SIGLEC9: variants seen among roughly 807,000 people sequenced by gnomAD.
SIGLEC9 encodes the protein sialic acid-binding Ig-like lectin 9.
SIGLEC9 carries 26 observed loss-of-function variants against 38.3 expected under a neutral mutation model. The ratio of observed to expected loss-of-function variants is 0.68; its 90% CI spans 0.50 to 0.94. SIGLEC9 has a LOEUF of 0.94. Among genes scored for constraint, SIGLEC9 ranks in the 40% least tolerant of loss-of-function variants. The probability of loss-of-function intolerance (pLI) is 0.00; values close to 1 mark genes in which losing one functional copy is unlikely to be tolerated. For missense variants in SIGLEC9, 556 were observed against 585.7 expected (o/e 0.95, Z 0.52); for synonymous variants, 236 against 248.0 (o/e 0.95, Z 0.45).
rs139490654 is a variant in SIGLEC9 at position 51,129,841 on chromosome 19, G to A, written c.1204-50G>A. The stretch of plus-strand genomic sequence containing the variant: ...TGGGATTACAGATGTGAGCCACCGC[G>A]CCCCATCCTCACTGTCTGCTCTGAC... On this transcript the variant is annotated intron_variant, in intron 6 of 6. Coordinates refer to ENST00000250360, the MANE Select transcript of SIGLEC9 (RefSeq NM_014441.3). The A allele has an allele frequency of 2.4e-4, 326 of 1,355,582 alleles. 4 individuals carry two copies. The African/African-American group carries it at 3.5e-3, about 14-fold the overall frequency. The allele number at this position is 1,355,582 out of a possible 1,614,324, so 84.0% of individuals were successfully genotyped here.
Position 51,130,280 on chromosome 19 carries a change from T to G in SIGLEC9, c.*201T>G. The G allele has an allele frequency of 1.0e-5, 11 of 1,048,996 alleles. No individual in the cohort carries two copies. In the South Asian group the frequency reaches 3.1e-4, roughly 29 times the overall value. The allele number at this position is 1,048,996 out of a possible 1,614,324, so 65.0% of individuals were successfully genotyped here. A position where few individuals can be genotyped will look rare whatever the true frequency, so the allele number is the denominator to read the frequency against. On this transcript the variant is annotated 3_prime_UTR_variant, in exon 7 of 7. Coordinates refer to ENST00000250360, the MANE Select transcript of SIGLEC9 (RefSeq NM_014441.3). ...AATCCACACTGTGCCCTCCCTTTTATTTTTTTAACTAAAAGACAGACAAAT... is the reference window on the plus strand; with the variant it reads ...AATCCACACTGTGCCCTCCCTTTTAGTTTTTTAACTAAAAGACAGACAAAT...
chr19:51,128,251 A>G (rs867189), intron 5 of SIGLEC9, among the ~76,000 whole-genome samples, 163 bp from the exon 6 acceptor site: 13,483 of 152,156 alleles, frequency 0.089, 2,034 homozygotes, highest in African/African-American at 0.31. Context: ...GTCCAGGAGA[A>G]GAGAGCCTCT....
chr19:51,127,300 A>T lies in SIGLEC9; in HGVS notation c.1015+4A>T. Reference sequence around the variant, plus strand: ...TACCTGAACGTCTCCCTGCAGAGTGAGTGCACCAGTATGCTGGGGAGGGGC... The same window carrying T: ...TACCTGAACGTCTCCCTGCAGAGTGTGTGCACCAGTATGCTGGGGAGGGGC... On this transcript the variant is annotated splice_donor_region_variant and intron_variant, in intron 4 of 6. Transcript: ENST00000250360. 2 of 1,605,144 alleles carry T rather than the reference A, an allele frequency of 1.2e-6. No individual in the cohort carries two copies. Among genetic ancestry groups the T allele is most frequent in the Non-Finnish European group, 1.7e-6 (2 of 1,174,220 alleles).
chr19:51,126,006 C>T lies in SIGLEC9; in HGVS notation c.701-75C>T, dbSNP rs1395287889. ...ACTGGCTCTGCCTTCCCTGTTTATG[C>T]GGCTCCTGGGGACAGACAGGGCCAG... On this transcript the variant is annotated intron_variant, in intron 2 of 6. Transcript: ENST00000250360. 1.8e-5 allele frequency: 29 copies of T among 1,579,272 alleles called. No homozygotes were observed. In the African/African-American group the frequency reaches 2.4e-4, roughly 13 times the overall value.
upstream of SIGLEC9, chr19:51,122,580 C>CA (rs71306113): frequency 0.53 from 60,799 of 114,968 alleles, 15,799 homozygotes; most frequent in South Asian, 0.64. This position sits in a 1 kb window ranked among gnomAD's most constrained non-coding sequence, Gnocchi z 4.1. Context: ...GACTCCATCT[C>CA]AAAAAAAAAA....
chr19:51,128,057 A>G lies in SIGLEC9; in HGVS notation c.1106+18A>G, dbSNP rs758129426. The G allele has an allele frequency of 6.3e-7, 1 of 1,589,052 alleles. No homozygotes were observed. Among genetic ancestry groups the G allele is most frequent in the South Asian group, 1.1e-5 (1 of 90,436 alleles). ...TTCGTTGTGTAAGCATGGACCCTAG[A>G]GAGGGAGGGAGGGAGAGCCCTGGGG... On this transcript the variant is annotated intron_variant, in intron 5 of 6. Coordinates refer to ENST00000250360, the MANE Select transcript of SIGLEC9 (RefSeq NM_014441.3).
chr19:51,124,633 C>A (rs993936476), upstream of SIGLEC9, among the ~76,000 whole-genome samples: 3 of 152,212 alleles, frequency 2.0e-5, no homozygotes, highest in Non-Finnish European at 4.4e-5. Flanking sequence ...AGATGGGACT[C>A]ATTTTCACCC....
chr19:51,121,266 A>T (rs919895869), upstream of SIGLEC9, among the ~76,000 whole-genome samples: 1 of 151,486 alleles, frequency 6.6e-6, no homozygotes, highest in Non-Finnish European at 1.5e-5. Context: ...GGTGATTCTT[A>T]TGCCTCGGCC....
upstream of SIGLEC9, chr19:51,124,898 T>G: frequency 6.5e-7 from 1 of 1,538,032 alleles, no homozygotes; most frequent in African/African-American, 1.4e-5. Context: ...CCTCTAAGTC[T>G]TGAGCCCGCA....
Position 51,129,449 on chromosome 19 carries a change from G to A in SIGLEC9, c.1204-442G>A, listed in dbSNP as rs541677380. Among the ~76,000 whole-genome samples the A allele has an allele frequency of 2.4e-4, 36 of 152,114 alleles. 1 individual carries two copies. The South Asian group carries it at 3.5e-3, about 15-fold the overall frequency. ...GCTGGGATTACAGGCGTGAGCCACT[G>A]TGACCGGCCACATTCTGACCTTTTA... On this transcript the variant is annotated intron_variant, in intron 6 of 6. Coordinates refer to ENST00000250360, the MANE Select transcript of SIGLEC9 (RefSeq NM_014441.3).
At chr19:51,132,618 G>A (rs2092022350), downstream of SIGLEC9, among the ~76,000 whole-genome samples, 1 of 152,148 alleles carries the variant, frequency 6.6e-6, no homozygotes, top group African/African-American at 2.4e-5. Flanking sequence ...CGGATTCTGG[G>A]GCGGCACTCT....
chr19:51,134,153 T>C (rs998057812), downstream of SIGLEC9, among the ~76,000 whole-genome samples: 6 of 122,422 alleles, frequency 4.9e-5, no homozygotes, highest in South Asian at 2.9e-4. Flanking sequence ...TTTTCTTTTT[T>C]TTTTTTTTTT....
At chr19:51,122,503 C>A (rs538440015), upstream of SIGLEC9, among the ~76,000 whole-genome samples, 1 of 148,876 alleles carries the variant, frequency 6.7e-6, no homozygotes, top group South Asian at 2.1e-4. The surrounding 1 kb of genome is among the most constrained non-coding windows in gnomAD (Gnocchi z 4.1). Flanking sequence ...ATCGCTTGAA[C>A]GTGGGAGGCG....
intron 3 of SIGLEC9, 105 bp downstream of exon 3, chr19:51,126,233 C>A: frequency 8.7e-7 from 1 of 1,144,570 alleles, no homozygotes; most frequent in Non-Finnish European, 1.3e-6. Flanking sequence ...CAGGGATGTC[C>A]TTGTGGGTGA....
In SIGLEC9 at chr19:51,125,118, T is replaced by G. The variant is rs757959654; in HGVS notation, c.144T>G (p.His48Gln). 1 of 1,613,940 alleles carries G rather than the reference T, an allele frequency of 6.2e-7. No homozygotes were observed. The highest frequency in any genetic ancestry group is 8.5e-7 in the Non-Finnish European group (1 of 1,180,002). The part of the protein sequence containing the change: ...HVPCSFSYPS[H>Q]GWIYPGPVVH... Reference sequence around the variant, plus strand: ...CCTGCTCCTTCTCCTACCCCTCGCATGGCTGGATTTACCCTGGCCCAGTAG... The same window carrying G: ...CCTGCTCCTTCTCCTACCCCTCGCAGGGCTGGATTTACCCTGGCCCAGTAG... The change falls in exon 1 of 7, where the codon CAT becomes CAG. Residue 48 changes from histidine (H) to glutamine (Q), a missense_variant. His to Gln is a conservative substitution (Grantham distance 24). Transcript: ENST00000250360.
Position 51,125,731 on chromosome 19 carries a change from TC to T in SIGLEC9, c.562del (p.Leu188TrpfsTer28), listed in dbSNP as rs2091974039. On this transcript the variant is annotated frameshift_variant, in exon 2 of 7. Transcript: ENST00000250360. LOFTEE classifies it high-confidence loss of function. The stretch of plus-strand genomic sequence containing the variant: ...GATCTCCTGGATAGGGACCTCCGTG[TC>T]CCCCCTGGACCCCTCCACCACCCGC... ...PMISWIGTSVSPLDPSTTRSS... is the reference protein window; with the variant it reads ...PMISWIGTSVXPLDPSTTRSS... 1.9e-6 allele frequency: 3 copies of T among 1,613,770 alleles called. No individual in the cohort carries two copies. The highest frequency in any genetic ancestry group is 2.5e-6 in the Non-Finnish European group (3 of 1,179,920).
Position 51,125,822 on chromosome 19 carries a change from C to G in SIGLEC9, c.647C>G (p.Thr216Ser), listed in dbSNP as rs1447931941. ...GGCACCAGCCTCACCTGTCAGGTGA[C>G]CTTCCCTGGGGCCAGCGTGACCACG... ...DHGTSLTCQVTFPGASVTTNK... is the reference protein window; with the variant it reads ...DHGTSLTCQVSFPGASVTTNK... The change falls in exon 2 of 7, where the codon ACC (threonine) becomes AGC (serine). Residue 216 changes from threonine (T) to serine (S), a missense_variant. Coordinates refer to ENST00000250360, the MANE Select transcript of SIGLEC9 (RefSeq NM_014441.3). The G allele has an allele frequency of 1.2e-6, 2 of 1,614,178 alleles. No homozygotes were observed. The highest frequency in any genetic ancestry group is 1.7e-6 in the Non-Finnish European group (2 of 1,180,024).
intron 3 of SIGLEC9, 55 bp downstream of exon 3, chr19:51,126,183 G>C: frequency 6.5e-7 from 1 of 1,536,560 alleles, no homozygotes; most frequent in Non-Finnish European, 9.0e-7. Flanking sequence ...AGGTCAGGAT[G>C]GGGCTGGCTT....
intron 5 of SIGLEC9, 49 bp downstream of exon 5, chr19:51,128,088 C>A: frequency 6.8e-7 from 1 of 1,463,302 alleles, no homozygotes. Flanking sequence ...TGGGGGAGGA[C>A]AGGCTGGAAG....
Sources: gnomAD v4.1 joint callset for allele counts (sites outside exome capture counted in the v4.1 genomes callset) on GRCh38, gnomAD v4.1.1 for gene constraint, Gnocchi (gnomAD v3.1) non-coding constraint, MANE v1.5 for transcripts, NCBI Gene and HGNC (gene_info 2026-07-23, HGNC 2026-07-21) for gene names.